Variants in HSD17B3 observed in about 807,000 individuals in gnomAD.
HSD17B3 encodes hydroxysteroid 17-beta dehydrogenase 3, also known as 17-beta-hydroxysteroid dehydrogenase type 3.
Under a neutral mutation model 41.1 loss-of-function variants are expected in HSD17B3, and 29 were observed. The ratio of observed to expected loss-of-function variants is 0.71; its 90% CI spans 0.53 to 0.96. The LOEUF (loss-of-function observed/expected upper bound fraction) is 0.96. Among genes scored for constraint, HSD17B3 ranks in the 40% least tolerant of loss-of-function variants. The pLI, the probability that HSD17B3 is intolerant of heterozygous loss-of-function variation, is 0.00. For synonymous variants in HSD17B3, 126 were observed against 145.6 expected (o/e 0.87, Z 0.97); for missense variants, 323 against 374.6 (o/e 0.86, Z 1.14).
intron 9 of HSD17B3, among the ~76,000 whole-genome samples, chr9:96,241,352 C>T (rs1277859811): frequency 6.6e-6 from 1 of 152,162 alleles, no homozygotes; most frequent in African/African-American, 2.4e-5. Flanking sequence ...ACTGGAGGTC[C>T]TGTATTTAAT....
intron 6 of HSD17B3, 42 bp from the exon 7 acceptor site, chr9:96,246,632 T>A: frequency 6.3e-7 from 1 of 1,591,868 alleles, no homozygotes; most frequent in Non-Finnish European, 8.6e-7. Context: ...AGGAACTAAG[T>A]AGCAGTGCAA....
chr9:96,235,454 G>A lies in HSD17B3; in HGVS notation c.*6C>T, dbSNP rs753861157. Reference sequence around the variant, plus strand: ...AAAAGGTTGTGCTGGACTCCTCACCGCCTGGCTACCTGACCTTGGTGTTGA... The same window carrying A: ...AAAAGGTTGTGCTGGACTCCTCACCACCTGGCTACCTGACCTTGGTGTTGA... On this transcript the variant is annotated 3_prime_UTR_variant, in exon 11 of 11. Transcript: ENST00000375263. 9.0e-5 allele frequency: 144 copies of A among 1,604,772 alleles called. No homozygotes were observed. The highest frequency in any genetic ancestry group is 8.2e-4 in the Middle Eastern group (5 of 6,080).
chr9:96,286,547 A>G (rs1331772625), intron 2 of HSD17B3, among the ~76,000 whole-genome samples: 1 of 150,750 alleles, frequency 6.6e-6, no homozygotes, highest in African/African-American at 2.5e-5. Flanking sequence ...AAATTTAGCC[A>G]TGCATGGTGG....
At chr9:96,260,309 CA>C (rs1175370731) in intron 2 of HSD17B3, among the ~76,000 whole-genome samples, 1 of 152,114 alleles carries the variant, frequency 6.6e-6, no homozygotes, top group Non-Finnish European at 1.5e-5. Context: ...CAACTTGTCC[CA>C]GGAGCTTCCC....
rs369718181 is a variant in HSD17B3 at position 96,235,485 on chromosome 9, A to C, written c.908T>G (p.Leu303Arg). The change falls in exon 11 of 11, where the codon CTG (leucine) becomes CGG (arginine). Residue 303 changes from leucine (L) to arginine (R), a missense_variant. Coordinates refer to ENST00000375263, the MANE Select transcript of HSD17B3 (RefSeq NM_000197.2). ...RLLLTHYVAY[L>R]KLNTKVR ...CTACCTGACCTTGGTGTTGAGCTTC[A>C]GGTATGCCACATAGTGTGTCAGGAG... 1.2e-6 allele frequency: 2 copies of C among 1,613,670 alleles called. No individual in the cohort carries two copies. Among genetic ancestry groups the C allele is most frequent in the African/African-American group, 2.7e-5 (2 of 74,906 alleles).
At chr9:96,242,833 C>G (rs903736527) in intron 9 of HSD17B3, among the ~76,000 whole-genome samples, 13 of 152,194 alleles carry the variant, frequency 8.5e-5, no homozygotes, top group Admixed American at 2.6e-4. Context: ...CTGCGATGAT[C>G]ATTCATGTTT....
At position 96,240,473 on chromosome 9, in the gene HSD17B3, C is replaced by G. The variant is rs1927882; in HGVS notation, c.822+285G>C. Among the ~76,000 whole-genome samples the G allele has an allele frequency of 0.61, 93,442 of 151,996 alleles. 28,894 individuals carry two copies. Among genetic ancestry groups the G allele is most frequent in the East Asian group, 0.82 (4,220 of 5,146 alleles). On this transcript the variant is annotated intron_variant, in intron 10 of 10. Transcript: ENST00000375263. Reference sequence around the variant, plus strand: ...GAAGACAGCAGCCCCCACGTGGAAGCGCCATATATCTTGGTCTTCCCTGCC... The same window carrying G: ...GAAGACAGCAGCCCCCACGTGGAAGGGCCATATATCTTGGTCTTCCCTGCC...
chr9:96,280,491 C>T (rs979021302), intron 2 of HSD17B3, among the ~76,000 whole-genome samples: 15 of 152,150 alleles, frequency 9.9e-5, no homozygotes, highest in African/African-American at 3.6e-4. Context: ...TAACTAAAAA[C>T]TCAATTTATC....
At chr9:96,282,992 CTTTTTTTTTTTTTTT>C (rs58397134) in intron 2 of HSD17B3, among the ~76,000 whole-genome samples, 13 of 71,700 alleles carry the variant, frequency 1.8e-4, no homozygotes, top group Admixed American at 1.1e-3. Context: ...AGGTTTCTTT[CTTTTTTTTTTTTTTT>C]TTTTTTTTTT....
intron 2 of HSD17B3, among the ~76,000 whole-genome samples, chr9:96,297,397 C>T (rs1381707035): frequency 2.3e-5 from 3 of 132,190 alleles, no homozygotes; most frequent in Non-Finnish European, 3.1e-5. Flanking sequence ...CCCAGGCTGG[C>T]GTGCAATGGT....
intron 10 of HSD17B3, among the ~76,000 whole-genome samples, 159 bp downstream of exon 10, chr9:96,240,599 G>A (rs1003684450): frequency 1.3e-5 from 2 of 152,126 alleles, no homozygotes; most frequent in Non-Finnish European, 2.9e-5. Context: ...GAGCTCCCAG[G>A]CTCCGGCTTC....
At chr9:96,258,974 G>A (rs1825764011) in intron 2 of HSD17B3, among the ~76,000 whole-genome samples, 1 of 152,162 alleles carries the variant, frequency 6.6e-6, no homozygotes, top group African/African-American at 2.4e-5. Context: ...AGGACCCAAA[G>A]CTGAGAGAGG....
intron 2 of HSD17B3, among the ~76,000 whole-genome samples, chr9:96,258,700 AG>A (rs564519089): frequency 5.3e-4 from 80 of 152,336 alleles, no homozygotes; most frequent in Non-Finnish European, 1.0e-3. Flanking sequence ...AGGGATATTT[AG>A]GGAAAAATTT....
At chr9:96,275,550 A>C (rs1308455762) in intron 2 of HSD17B3, among the ~76,000 whole-genome samples, 1 of 152,032 alleles carries the variant, frequency 6.6e-6, no homozygotes, top group Non-Finnish European at 1.5e-5. Flanking sequence ...ACTGCACTGC[A>C]GCCTGGGTGA....
At chr9:96,292,857 G>A (rs776922672) in intron 2 of HSD17B3, among the ~76,000 whole-genome samples, 10 of 152,212 alleles carry the variant, frequency 6.6e-5, no homozygotes, top group Admixed American at 1.3e-4. Flanking sequence ...ATAAGAAGCC[G>A]CAGAGGCCAG....
At chr9:96,298,514 CT>C in intron 1 of HSD17B3, 52 bp from the exon 2 acceptor site, 2 of 1,500,132 alleles carry the variant, frequency 1.3e-6, no homozygotes, top group Non-Finnish European at 1.9e-6. Context: ...TTAAACTTCT[CT>C]TTCTCACTGG....
intron 2 of HSD17B3, among the ~76,000 whole-genome samples, chr9:96,286,231 C>G (rs779853987): frequency 6.6e-6 from 1 of 152,132 alleles, no homozygotes; most frequent in Non-Finnish European, 1.5e-5. Context: ...GTAATTCCAG[C>G]TACTCAGGAG....
At chr9:96,265,180 T>C (rs1392004592) in intron 2 of HSD17B3, among the ~76,000 whole-genome samples, 1 of 152,076 alleles carries the variant, frequency 6.6e-6, no homozygotes, top group Non-Finnish European at 1.5e-5. Context: ...GTTGGGACAT[T>C]ATAGCTTGAC....
Position 96,294,598 on chromosome 9 carries a change from G to A in HSD17B3, c.201+3818C>T, listed in dbSNP as rs77888209. Among the ~76,000 whole-genome samples the A allele has an allele frequency of 0.015, 2,352 of 152,356 alleles. 195 individuals are homozygous for A. The East Asian group carries it at 0.25, about 16-fold the overall frequency. On this transcript the variant is annotated intron_variant, in intron 2 of 10. Transcript: ENST00000375263. Reference sequence around the variant, plus strand: ...ACTTGAGAAAAGATTCTGGAGAATCGTGAAGAATTGCTTGGCAATCCAGGG... The same window carrying A: ...ACTTGAGAAAAGATTCTGGAGAATCATGAAGAATTGCTTGGCAATCCAGGG...
Sources: gnomAD v4.1 joint callset for allele counts (sites outside exome capture counted in the v4.1 genomes callset) on GRCh38, gnomAD v4.1.1 for gene constraint, MANE v1.5 for transcripts, NCBI Gene and HGNC (gene_info 2026-07-23, HGNC 2026-07-21) for gene names.